DCAF10: variants seen among roughly 807,000 people sequenced by gnomAD.
DCAF10 encodes the protein DDB1- and CUL4-associated factor 10.
In DCAF10, 19 loss-of-function variants were observed where a neutral mutation model predicts 51.9. The ratio of observed to expected loss-of-function variants is 0.37; its 90% CI spans 0.26 to 0.54. DCAF10 has a LOEUF of 0.54. Ranked by LOEUF, DCAF10 falls within the 20% of genes least tolerant of loss-of-function variation. The pLI, the probability that DCAF10 is intolerant of heterozygous loss-of-function variation, is 0.87. For synonymous variants in DCAF10, 291 were observed against 297.1 expected (o/e 0.98, Z 0.21); for missense variants, 510 against 730.6 (o/e 0.70, Z 3.48).
intron 2 of DCAF10, among the ~76,000 whole-genome samples, chr9:37,830,152 G>C (rs1459946318): frequency 6.6e-6 from 1 of 152,136 alleles, no homozygotes; most frequent in Non-Finnish European, 1.5e-5. Context: ...ATAAATTCTG[G>C]TGTACTCATA....
At chr9:37,804,379 G>C (rs916212151) in intron 1 of DCAF10, among the ~76,000 whole-genome samples, 2 of 152,042 alleles carry the variant, frequency 1.3e-5, no homozygotes, top group Admixed American at 1.3e-4. Flanking sequence ...ATTGAAGAAA[G>C]GCACCAAGCC....
At position 37,850,881 on chromosome 9, in the gene DCAF10, T is replaced by TAA. The variant is rs1554689980; in HGVS notation, c.852-3897_852-3896dup. On this transcript the variant is annotated intron_variant, in intron 3 of 6. Coordinates refer to ENST00000377724, the MANE Select transcript of DCAF10 (RefSeq NM_024345.5). ...ATATATATATATATATATATATATA[T>TAA]AAATTAGCTTGATTTAGCCATTCCA... Among the ~76,000 whole-genome samples, 280 of 103,860 alleles carry TAA rather than the reference T, an allele frequency of 2.7e-3. 1 individual carries two copies. Among genetic ancestry groups the TAA allele is most frequent in the Middle Eastern group, 5.6e-3 (1 of 180 alleles). The allele number at this position is 103,860 out of a possible 152,430, so 68.1% of individuals were successfully genotyped here. A position where few individuals can be genotyped will look rare whatever the true frequency, so the allele number is the denominator to read the frequency against.
chr9:37,835,944 AT>A, intron 2 of DCAF10: 1 of 1,026,492 alleles, frequency 9.7e-7, no homozygotes. Context: ...GAAAGCCACC[AT>A]TTTTGGCTAT....
intron 2 of DCAF10, among the ~76,000 whole-genome samples, chr9:37,826,255 G>A (rs1490701688): frequency 6.6e-6 from 1 of 152,124 alleles, no homozygotes; most frequent in African/African-American, 2.4e-5. Flanking sequence ...ACAAACAATT[G>A]ATAGAAAGGA....
At chr9:37,852,959 T>TAC (rs1554690225) in intron 3 of DCAF10, among the ~76,000 whole-genome samples, 17 of 82,254 alleles carry the variant, frequency 2.1e-4, no homozygotes, top group Non-Finnish European at 3.7e-4. Flanking sequence ...TATATATATA[T>TAC]ATATATAAAT....
chr9:37,821,765 G>A (rs1023194017), intron 2 of DCAF10, among the ~76,000 whole-genome samples: 4 of 152,100 alleles, frequency 2.6e-5, no homozygotes, highest in African/African-American at 9.7e-5. Context: ...TAAATAGCTG[G>A]GACCTAATTA....
intron 3 of DCAF10, among the ~76,000 whole-genome samples, chr9:37,850,826 TTATATATATA>T (rs71494679): frequency 0.027 from 1,207 of 45,178 alleles, 18 homozygotes; most frequent in Non-Finnish European, 0.035. Flanking sequence ...AGGATATATT[TTATATATATA>T]TATATATATA....
chr9:37,831,368 T>C (rs2117947416), intron 2 of DCAF10, among the ~76,000 whole-genome samples: 1 of 152,304 alleles, frequency 6.6e-6, no homozygotes, highest in South Asian at 2.1e-4. Flanking sequence ...TACTTAATCC[T>C]CACAGTATCC....
rs1587132438 is a variant in DCAF10 at position 37,857,310 on chromosome 9, A to G, written c.1124A>G (p.Asn375Ser). 1 of 1,611,196 alleles carries G rather than the reference A, an allele frequency of 6.2e-7. No individual in the cohort carries two copies. Among genetic ancestry groups the G allele is most frequent in the African/African-American group, 1.3e-5 (1 of 74,842 alleles). ...SGSPCHHSDSNSSEKHMSRAS... is the reference protein window; with the variant it reads ...SGSPCHHSDSSSSEKHMSRAS... ...TCACCTTGTCATCATAGTGATTCTA[A>G]TTCTTCTGAGAAACACATGTCACGA... Residue 375 changes from asparagine (N) to serine (S), a missense_variant, in exon 5 of 7, where the codon AAT (asparagine) becomes AGT (serine). By Grantham distance (46) the Asn-to-Ser change is conservative (BLOSUM62 1). Coordinates refer to ENST00000377724, the MANE Select transcript of DCAF10 (RefSeq NM_024345.5).
At chr9:37,816,920 A>G (rs1829558504) in intron 1 of DCAF10, among the ~76,000 whole-genome samples, 1 of 152,212 alleles carries the variant, frequency 6.6e-6, no homozygotes, top group Non-Finnish European at 1.5e-5. Context: ...TATATATAAA[A>G]TTTACTTGAA....
At chr9:37,846,077 A>T (rs1194186058) in intron 3 of DCAF10, among the ~76,000 whole-genome samples, 1 of 152,126 alleles carries the variant, frequency 6.6e-6, no homozygotes, top group Non-Finnish European at 1.5e-5. Flanking sequence ...AAAAAGAAAG[A>T]CCAATCTGTA....
At position 37,860,032 on chromosome 9, in the gene DCAF10, T is replaced by A; in HGVS notation, c.1166-16T>A. The A allele has an allele frequency of 1.2e-6, 2 of 1,613,626 alleles. No individual in the cohort carries two copies. The highest frequency in any genetic ancestry group is 2.2e-5 in the South Asian group (2 of 91,010). ...TGATAATACAAATCCCACATCCTCA[T>A]TTTCTTATATCTCAGGAGTTTCACC... On this transcript the variant is annotated splice_polypyrimidine_tract_variant and intron_variant, in intron 5 of 6. Transcript: ENST00000377724.
At chr9:37,812,268 CA>C (rs200922949) in intron 1 of DCAF10, among the ~76,000 whole-genome samples, 1 of 149,478 alleles carries the variant, frequency 6.7e-6, no homozygotes, top group Non-Finnish European at 1.5e-5. Flanking sequence ...AAACAAACAA[CA>C]AAAAAAAGAA....
intron 2 of DCAF10, among the ~76,000 whole-genome samples, chr9:37,820,871 A>C (rs532441744): frequency 1.3e-5 from 2 of 152,336 alleles, no homozygotes; most frequent in South Asian, 4.1e-4. Flanking sequence ...TTTATGGAGC[A>C]GTTCAACAAA....
At chr9:37,808,634 ATAT>A (rs1174864897) in intron 1 of DCAF10, among the ~76,000 whole-genome samples, 7 of 23,770 alleles carry the variant, frequency 2.9e-4, no homozygotes, top group Admixed American at 1.3e-3. Context: ...ATATAATATA[ATAT>A]AAAAATATAT....
chr9:37,804,036 A>T (rs546393788), intron 1 of DCAF10, among the ~76,000 whole-genome samples: 85 of 152,190 alleles, frequency 5.6e-4, no homozygotes, highest in African/African-American at 2.0e-3. Context: ...AATGTTAATA[A>T]ATTATAGTAT....
At chr9:37,831,030 C>T (rs1829990804) in intron 2 of DCAF10, among the ~76,000 whole-genome samples, 3 of 152,174 alleles carry the variant, frequency 2.0e-5, no homozygotes, top group Admixed American at 2.0e-4. Context: ...CCAGACCAAC[C>T]TGGCTAACAT....
At chr9:37,856,870 T>C (rs1193814842) in intron 4 of DCAF10, among the ~76,000 whole-genome samples, 1 of 152,238 alleles carries the variant, frequency 6.6e-6, no homozygotes, top group Non-Finnish European at 1.5e-5. Context: ...TTCATGTTTC[T>C]GGTAATGGGC....
intron 1 of DCAF10, among the ~76,000 whole-genome samples, chr9:37,803,326 A>G (rs1829013764): frequency 6.6e-6 from 1 of 152,184 alleles, no homozygotes; most frequent in African/African-American, 2.4e-5. Flanking sequence ...TTCTTACAGT[A>G]AATTGTGAAC....
Sources: gnomAD v4.1 joint callset for allele counts (sites outside exome capture counted in the v4.1 genomes callset) on GRCh38, gnomAD v4.1.1 for gene constraint, MANE v1.5 for transcripts, NCBI Gene and HGNC (gene_info 2026-07-23, HGNC 2026-07-21) for gene names.